The following BCAS3 variants were observed in gnomAD, a reference collection of about 807,000 sequenced individuals.
BCAS3 encodes the protein BCAS3 microtubule associated cell migration factor, also known as BCAS4/BCAS3 fusion.
Under a neutral mutation model 116.1 loss-of-function variants are expected in BCAS3, and 53 were observed. The ratio of observed to expected loss-of-function variants is 0.46; its 90% CI spans 0.37 to 0.57. The LOEUF (loss-of-function observed/expected upper bound fraction) is 0.57. BCAS3 is among the 20% of genes least tolerant of loss of function. The probability of loss-of-function intolerance (pLI) is 0.00; values close to 1 mark genes in which losing one functional copy is unlikely to be tolerated. For missense variants in BCAS3, 917 were observed against 1,165.4 expected (o/e 0.79, Z 3.10); for synonymous variants, 391 against 408.2 (o/e 0.96, Z 0.51).
At chr17:61,216,475 G>A (rs2081792778) in intron 22 of BCAS3, among the ~76,000 whole-genome samples, 1 of 152,044 alleles carries the variant, frequency 6.6e-6, no homozygotes, top group African/African-American at 2.4e-5. Flanking sequence ...ATTATAGTAT[G>A]TATCATTGTA....
intron 5 of BCAS3, among the ~76,000 whole-genome samples, chr17:60,719,369 T>C (rs1186627959): frequency 6.6e-6 from 1 of 152,228 alleles, no homozygotes; most frequent in Non-Finnish European, 1.5e-5. Context: ...TACAGAAGTA[T>C]CATTTGTGCC....
rs373140575 is a variant in BCAS3 at position 60,940,979 on chromosome 17, C to T, written c.1088-6240C>T. On this transcript the variant is annotated intron_variant, in intron 13 of 23. Coordinates refer to ENST00000407086, the MANE Select transcript of BCAS3 (RefSeq NM_017679.5). ...TTTGCTTTTTGGGTTAACCAGCTGA[C>T]GCCCAGTTGAAAAGACTTATGTTCG... 7.1e-4 allele frequency among the ~76,000 whole-genome samples: 108 copies of T among 152,278 alleles called. 3 individuals are homozygous for T. In the South Asian group the frequency reaches 0.02, roughly 29 times the overall value.
rs757988691 is a variant in BCAS3, at chr17:61,278,087, A to C, written c.2426-90240A>C. On this transcript the variant is annotated intron_variant, in intron 22 of 23. Transcript: ENST00000407086. This position sits in a 1 kb window ranked among gnomAD's most constrained non-coding sequence, Gnocchi z 5.8. ...AGTCACACTGTGTAGCCCAGGCTGG[A>C]GTGAGGTGGTACAATCTTGGTTCAC... Among the ~76,000 whole-genome samples, 3 of 152,182 alleles carry C rather than the reference A, an allele frequency of 2.0e-5. No homozygotes were observed. The highest frequency in any genetic ancestry group is 4.4e-5 in the Non-Finnish European group (3 of 68,036).
intron 19 of BCAS3, among the ~76,000 whole-genome samples, chr17:61,060,426 C>T (rs1380359985): frequency 1.3e-5 from 2 of 152,020 alleles, no homozygotes; most frequent in Non-Finnish European, 2.9e-5. Context: ...CGAGCCACTG[C>T]GCCCGGCCAC....
intron 13 of BCAS3, among the ~76,000 whole-genome samples, chr17:60,942,778 T>C (rs548858000): frequency 1.2e-4 from 19 of 152,324 alleles, no homozygotes; most frequent in African/African-American, 4.6e-4. Flanking sequence ...ATGCTTAATA[T>C]TCTTTCATGC....
chr17:61,340,053 G>A (rs573558097), intron 22 of BCAS3, among the ~76,000 whole-genome samples: 1 of 152,306 alleles, frequency 6.6e-6, no homozygotes, highest in South Asian at 2.1e-4. Flanking sequence ...TCAGTACAGA[G>A]AGGGGGCAAA....
intron 22 of BCAS3, among the ~76,000 whole-genome samples, chr17:61,167,057 T>A (rs1268647671): frequency 1.3e-5 from 2 of 152,216 alleles, no homozygotes; most frequent in Non-Finnish European, 2.9e-5. Flanking sequence ...GAGCACTTCC[T>A]TAAAGAATCT....
At chr17:60,711,080 G>A (rs1055295842) in intron 5 of BCAS3, among the ~76,000 whole-genome samples, 2 of 151,892 alleles carry the variant, frequency 1.3e-5, no homozygotes, top group South Asian at 4.2e-4. Flanking sequence ...GGCATTACAG[G>A]CATGAGCCAC....
rs1160172772 is a variant in BCAS3, at chr17:61,378,415, G to C, written c.2593+9921G>C. 1 of 152,216 alleles carries C rather than the reference G, an allele frequency of 6.6e-6. No individual in the cohort carries two copies. Among genetic ancestry groups the C allele is most frequent in the Admixed American group, 6.5e-5 (1 of 15,276 alleles). 9.4% of individuals were successfully genotyped at this position (152,216 alleles called of 1,614,324 possible). The stretch of plus-strand genomic sequence containing the variant: ...CTCTGAATTTCTGCACCACCGACTT[G>C]CTGGATACTTGGCCCTGGGCAAAGA... On this transcript the variant is annotated intron_variant, in intron 23 of 23. Transcript: ENST00000407086. The surrounding 1 kb of genome is among the most constrained non-coding windows in gnomAD (Gnocchi z 5.8).
chr17:61,296,229 A>G (rs747659761), intron 22 of BCAS3, among the ~76,000 whole-genome samples: 3 of 152,222 alleles, frequency 2.0e-5, no homozygotes, highest in Non-Finnish European at 4.4e-5. Context: ...CTTTACCCAG[A>G]GGTCATATGC....
At chr17:61,283,752 C>T (rs954846941) in intron 22 of BCAS3, among the ~76,000 whole-genome samples, 8 of 152,080 alleles carry the variant, frequency 5.3e-5, no homozygotes, top group Admixed American at 3.3e-4. Flanking sequence ...CGCACTTGGC[C>T]GTAAATTGAT....
At chr17:61,191,535 G>T (rs1398083287) in intron 22 of BCAS3, among the ~76,000 whole-genome samples, 1 of 152,112 alleles carries the variant, frequency 6.6e-6, no homozygotes, top group African/African-American at 2.4e-5. Flanking sequence ...CAGTGCTTTG[G>T]GAGTCCGAGG....
At chr17:61,047,478 A>T (rs1371629502) in intron 19 of BCAS3, among the ~76,000 whole-genome samples, 2 of 152,060 alleles carry the variant, frequency 1.3e-5, no homozygotes, top group African/African-American at 4.8e-5. Context: ...AGAATTTATA[A>T]TCCAAAAGAT....
Position 61,307,183 on chromosome 17 carries a change from T to C in BCAS3, c.2426-61144T>C, listed in dbSNP as rs1423288092. 2.0e-5 allele frequency among the ~76,000 whole-genome samples: 3 copies of C among 152,256 alleles called. No homozygotes were observed. The highest frequency in any genetic ancestry group is 4.1e-4 in the South Asian group (2 of 4,832). On this transcript the variant is annotated intron_variant, in intron 22 of 23. Coordinates refer to ENST00000407086, the MANE Select transcript of BCAS3 (RefSeq NM_017679.5). This position sits in a 1 kb window ranked among gnomAD's most constrained non-coding sequence, Gnocchi z 4.7. ...GAGCCTAGCCTAGTGCCGGCCCAAG[T>C]TGGGACTTGCTGAACATTGGTTTCC...
chr17:61,105,909 A>G lies in BCAS3; in HGVS notation c.2425+21345A>G, dbSNP rs2074616769. ...TTGTCCAGAAATAAACAATTCATAC[A>G]TGTTCAATTTTGTGCCTTTCTGAGT... On this transcript the variant is annotated intron_variant, in intron 22 of 23. Transcript: ENST00000407086. The surrounding 1 kb of genome is among the most constrained non-coding windows in gnomAD (Gnocchi z 4.3). Among the ~76,000 whole-genome samples the G allele has an allele frequency of 6.6e-6, 1 of 152,212 alleles. No homozygotes were observed. Among genetic ancestry groups the G allele is most frequent in the African/African-American group, 2.4e-5 (1 of 41,464 alleles).
In BCAS3 at chr17:61,352,853, G is replaced by C. The variant is rs1185858555; in HGVS notation, c.2426-15474G>C. On this transcript the variant is annotated intron_variant, in intron 22 of 23. Transcript: ENST00000407086. This position sits in a 1 kb window ranked among gnomAD's most constrained non-coding sequence, Gnocchi z 4.7. The stretch of plus-strand genomic sequence containing the variant: ...CTCTGCAGCTGTGCAGAGAAGGCCT[G>C]GTGCCGCCACACTCCTGCTCGGCTC... Among the ~76,000 whole-genome samples the C allele has an allele frequency of 6.6e-6, 1 of 152,200 alleles. No homozygotes were observed. Among genetic ancestry groups the C allele is most frequent in the Non-Finnish European group, 1.5e-5 (1 of 68,040 alleles).
intron 5 of BCAS3, among the ~76,000 whole-genome samples, chr17:60,718,043 C>T (rs1486415328): frequency 6.6e-6 from 1 of 152,102 alleles, no homozygotes; most frequent in African/African-American, 2.4e-5. Flanking sequence ...GGTTCGCGCG[C>T]CTATGATAAT....
At chr17:60,853,395 C>G (rs765661126) in intron 7 of BCAS3, among the ~76,000 whole-genome samples, 4 of 152,178 alleles carry the variant, frequency 2.6e-5, no homozygotes, top group Admixed American at 6.5e-5. Flanking sequence ...TACATGGAAG[C>G]TTCTTTCAAA....
intron 4 of BCAS3, among the ~76,000 whole-genome samples, chr17:60,702,814 C>G (rs2036589872): frequency 6.6e-6 from 1 of 151,364 alleles, no homozygotes; most frequent in Admixed American, 6.6e-5. Context: ...TGGTCTCAAA[C>G]TCCTGAGCTC....
Sources: allele counts gnomAD v4.1 joint callset (sites outside exome capture counted in the v4.1 genomes callset), GRCh38; gene constraint gnomAD v4.1.1; non-coding constraint Gnocchi (gnomAD v3.1); transcripts MANE v1.5; gene names NCBI Gene and HGNC (gene_info 2026-07-23, HGNC 2026-07-21).